APLP2: variants seen among roughly 807,000 people sequenced by gnomAD.
The protein encoded by APLP2 is amyloid beta precursor like protein 2, also known as CDEI box-binding protein.
APLP2 carries 53 observed loss-of-function variants against 89.9 expected under a neutral mutation model. The observed-to-expected ratio is 0.59, with a 90% confidence interval of 0.47 to 0.74. The LOEUF is 0.74. Among genes scored for constraint, APLP2 ranks in the 30% least tolerant of loss-of-function variants. The pLI, the probability that APLP2 is intolerant of heterozygous loss-of-function variation, is 0.00. For missense variants in APLP2, 973 were observed against 975.9 expected (o/e 1.00, Z 0.04); for synonymous variants, 372 against 348.6 (o/e 1.07, Z -0.75).
intron 1 of APLP2, among the ~76,000 whole-genome samples, chr11:130,072,510 T>G (rs1475125580): frequency 1.7e-5 from 2 of 114,676 alleles, no homozygotes; most frequent in Non-Finnish European, 3.5e-5. Context: ...GGAGTCTCGC[T>G]CTGTCCCAGG....
intron 10 of APLP2, among the ~76,000 whole-genome samples, 183 bp downstream of exon 10, chr11:130,129,389 C>G (rs917404312): frequency 6.6e-6 from 1 of 152,212 alleles, no homozygotes; most frequent in African/African-American, 2.4e-5. Flanking sequence ...CTAAGCATGA[C>G]ATCGCTTTAT....
In APLP2 at chr11:130,143,497, A is replaced by G; in HGVS notation, c.*49A>G. 2 of 1,493,380 alleles carry G rather than the reference A, an allele frequency of 1.3e-6. No individual in the cohort carries two copies. The highest frequency in any genetic ancestry group is 9.3e-7 in the Non-Finnish European group (1 of 1,072,218). The allele number at this position is 1,493,380 out of a possible 1,614,324, so 92.5% of individuals were successfully genotyped here. A position where few individuals can be genotyped will look rare whatever the true frequency, so the allele number is the denominator to read the frequency against. Reference sequence around the variant, plus strand: ...GGCGGAGGGATGCAGGTGGGCCGGAAGATCCCACGATTCCGATCGACTGCC... The same window carrying G: ...GGCGGAGGGATGCAGGTGGGCCGGAGGATCCCACGATTCCGATCGACTGCC... On this transcript the variant is annotated 3_prime_UTR_variant, in exon 17 of 17. Coordinates refer to ENST00000338167, the MANE Select transcript of APLP2 (RefSeq NM_001142276.2).
chr11:130,135,929 CTA>C (rs1951530575), intron 13 of APLP2, among the ~76,000 whole-genome samples: 1 of 152,164 alleles, frequency 6.6e-6, no homozygotes, highest in South Asian at 2.1e-4. Context: ...GAAGTTAAGA[CTA>C]ATTCTCCCAT....
intron 12 of APLP2, 27 bp downstream of exon 12, chr11:130,133,755 TCATA>T: frequency 6.4e-7 from 1 of 1,554,776 alleles, no homozygotes; most frequent in Non-Finnish European, 8.9e-7. Context: ...TGTGTCAAGG[TCATA>T]CGGGACTTCT....
intron 3 of APLP2, among the ~76,000 whole-genome samples, chr11:130,117,025 G>T (rs1949267572): frequency 6.6e-6 from 1 of 152,168 alleles, no homozygotes; most frequent in African/African-American, 2.4e-5. Context: ...CAGTTACTCA[G>T]GAGGCTGAAG....
intron 1 of APLP2, 108 bp downstream of exon 1, chr11:130,070,190 C>T (rs1591743741): frequency 7.5e-6 from 4 of 530,924 alleles, no homozygotes; most frequent in South Asian, 1.4e-4. Context: ...GGTGCGGCGC[C>T]GGGGGTCCGG....
At chr11:130,100,646 C>T (rs1039089283) in intron 1 of APLP2, among the ~76,000 whole-genome samples, 1 of 152,066 alleles carries the variant, frequency 6.6e-6, no homozygotes, top group Non-Finnish European at 1.5e-5. Flanking sequence ...CATTTTCAAT[C>T]TTGGAAATGA....
intron 1 of APLP2, among the ~76,000 whole-genome samples, chr11:130,089,676 T>C (rs1322618593): frequency 6.6e-6 from 1 of 152,238 alleles, no homozygotes; most frequent in Non-Finnish European, 1.5e-5. Context: ...TTGTTTCACT[T>C]TTCTGGTTTT....
chr11:130,094,242 G>A (rs1334145818), intron 1 of APLP2, among the ~76,000 whole-genome samples: 3 of 150,958 alleles, frequency 2.0e-5, no homozygotes, highest in Admixed American at 1.3e-4. Flanking sequence ...TAGTAGAGAC[G>A]GGGTTTCTCC....
chr11:130,112,907 C>T lies in APLP2; in HGVS notation c.403+2246C>T, dbSNP rs138677783. 5.3e-5 allele frequency among the ~76,000 whole-genome samples: 8 copies of T among 152,264 alleles called. No individual in the cohort carries two copies. The East Asian group carries it at 1.4e-3, about 26-fold the overall frequency. The stretch of plus-strand genomic sequence containing the variant: ...TCGACCACCCCAGGGTGGTCGTGCA[C>T]CATCCAGCTCTCAGCATTTGGAATG... On this transcript the variant is annotated intron_variant, in intron 3 of 16. Coordinates refer to ENST00000338167, the MANE Select transcript of APLP2 (RefSeq NM_001142276.2).
At chr11:130,090,855 C>G (rs1944882827) in intron 1 of APLP2, among the ~76,000 whole-genome samples, 1 of 151,478 alleles carries the variant, frequency 6.6e-6, no homozygotes, top group Admixed American at 6.6e-5. Context: ...CAGAGGCGCC[C>G]CTCACCTCCC....
chr11:130,118,999 C>G (rs757846093), intron 3 of APLP2, among the ~76,000 whole-genome samples: 32 of 152,164 alleles, frequency 2.1e-4, no homozygotes, highest in Non-Finnish European at 4.3e-4. Context: ...TCAGCAACTC[C>G]CTTTCTCTTA....
At chr11:130,098,992 CCTT>C in intron 1 of APLP2, among the ~76,000 whole-genome samples, 1 of 152,176 alleles carries the variant, frequency 6.6e-6, no homozygotes, top group East Asian at 1.9e-4. Context: ...GAAAACATAT[CCTT>C]CTACATCCCC....
At chr11:130,101,416 GACCTCGTGATCCGCCC>G (rs1372846473) in intron 1 of APLP2, 1 of 152,060 alleles carries the variant, frequency 6.6e-6, no homozygotes, top group East Asian at 1.9e-4. Context: ...TCGGTCTCCT[GACCTCGTGATCCGCCC>G]ACCTCGGCCT....
At chr11:130,074,648 A>G (rs1295965454) in intron 1 of APLP2, among the ~76,000 whole-genome samples, 3 of 152,230 alleles carry the variant, frequency 2.0e-5, no homozygotes, top group Non-Finnish European at 4.4e-5. Flanking sequence ...CAGATAACCA[A>G]TAAGAAGTGA....
At position 130,133,672 on chromosome 11, in the gene APLP2, G is replaced by T; in HGVS notation, c.1628G>T (p.Ser543Ile). 1 of 1,614,182 alleles carries T rather than the reference G, an allele frequency of 6.2e-7. No homozygotes were observed. Among genetic ancestry groups the T allele is most frequent in the Non-Finnish European group, 8.5e-7 (1 of 1,180,018 alleles). The change falls in exon 12 of 17, where the codon AGC becomes ATC. Residue 543 changes from serine (S) to isoleucine (I), a missense_variant. Physicochemically the swap from Ser to Ile is moderately radical, Grantham distance 142 (BLOSUM62 -2). Coordinates refer to ENST00000338167, the MANE Select transcript of APLP2 (RefSeq NM_001142276.2). ...GTGATTGAAGAAAGGAGGAACCAAA[G>T]CCTCTCTCTGCTCTACAAAGTACCT... ...LHVIEERRNQ[S>I]LSLLYKVPYV...
intron 12 of APLP2, among the ~76,000 whole-genome samples, chr11:130,134,697 T>C (rs1951350739): frequency 6.6e-6 from 1 of 152,128 alleles, no homozygotes; most frequent in Non-Finnish European, 1.5e-5. Flanking sequence ...GAGTATGCAC[T>C]GAAGGGGTGA....
intron 3 of APLP2, among the ~76,000 whole-genome samples, chr11:130,115,793 C>T (rs1778833413): frequency 6.6e-6 from 1 of 152,134 alleles, no homozygotes; most frequent in Admixed American, 6.5e-5. Flanking sequence ...AAAATTGTAG[C>T]AAAGGCAGAG....
intron 1 of APLP2, among the ~76,000 whole-genome samples, chr11:130,085,057 A>G (rs1943893499): frequency 2.0e-5 from 3 of 152,256 alleles, no homozygotes; most frequent in African/African-American, 2.4e-5. Context: ...AGAAATGGGT[A>G]AATTTCTAAA....
Sources: gnomAD v4.1 joint callset for allele counts (sites outside exome capture counted in the v4.1 genomes callset) on GRCh38, gnomAD v4.1.1 for gene constraint, MANE v1.5 for transcripts, NCBI Gene and HGNC (gene_info 2026-07-23, HGNC 2026-07-21) for gene names.